DGLUCY: variants seen among roughly 807,000 people sequenced by gnomAD.
The protein encoded by DGLUCY is D-glutamate cyclase, also known as D-glutamate cyclase, mitochondrial.
DGLUCY carries 58 observed loss-of-function variants against 58.5 expected under a neutral mutation model. The ratio of observed to expected loss-of-function variants is 0.99; its 90% CI spans 0.80 to 1.23. DGLUCY has a LOEUF of 1.23. DGLUCY is among the 50% of genes most tolerant of loss of function. The pLI, the probability that DGLUCY is intolerant of heterozygous loss-of-function variation, is 0.00. For missense variants in DGLUCY, 779 were observed against 784.7 expected, an observed-to-expected ratio of 0.99 and a Z score of 0.09; for synonymous variants, 325 against 314.1, an observed-to-expected ratio of 1.03 and a Z score of -0.37.
chr14:91,169,356 A>G (rs2048443459), intron 4 of DGLUCY, among the ~76,000 whole-genome samples: 1 of 151,702 alleles, frequency 6.6e-6, no homozygotes, highest in Non-Finnish European at 1.5e-5. Flanking sequence ...CCTTTGGGCT[A>G]CTGGTCCTAC....
chr14:91,175,647 C>A (rs2140425788), intron 6 of DGLUCY: 2 of 308,500 alleles, frequency 6.5e-6, no homozygotes, highest in East Asian at 1.5e-4. Flanking sequence ...GCAATCTGCA[C>A]AATGAGAGTA....
intron 12 of DGLUCY, among the ~76,000 whole-genome samples, chr14:91,212,570 C>T (rs1885854295): frequency 6.6e-6 from 1 of 152,162 alleles, no homozygotes; most frequent in South Asian, 2.1e-4. Flanking sequence ...GGCATAGTGG[C>T]TCATGCCTGT....
intron 10 of DGLUCY, among the ~76,000 whole-genome samples, chr14:91,197,615 G>A (rs1274245782): frequency 6.6e-6 from 1 of 152,152 alleles, no homozygotes; most frequent in African/African-American, 2.4e-5. Flanking sequence ...TTGACTATTC[G>A]AGGCACCTTG....
At chr14:91,205,797 C>CTTCTTCTT (rs1884530763) in intron 12 of DGLUCY, among the ~76,000 whole-genome samples, 9 of 66,314 alleles carry the variant, frequency 1.4e-4, no homozygotes, top group African/African-American at 2.3e-4. Context: ...TTCTTCTTCT[C>CTTCTTCTT]CGTCTCCTTC....
chr14:91,131,590 A>G (rs2046026551), intron 1 of DGLUCY, among the ~76,000 whole-genome samples: 1 of 151,866 alleles, frequency 6.6e-6, no homozygotes, highest in African/African-American at 2.4e-5. Flanking sequence ...TGCATTAGGT[A>G]TATCTCCTAT....
chr14:91,126,244 T>C (rs2045674029), intron 1 of DGLUCY, among the ~76,000 whole-genome samples: 1 of 152,158 alleles, frequency 6.6e-6, no homozygotes, highest in Non-Finnish European at 1.5e-5. Flanking sequence ...GGGACTATAT[T>C]CCCTCTGATG....
intron 12 of DGLUCY, among the ~76,000 whole-genome samples, chr14:91,206,178 T>C (rs1005123403): frequency 6.6e-6 from 1 of 151,912 alleles, no homozygotes; most frequent in Admixed American, 6.6e-5. Flanking sequence ...GCCTTCCACG[T>C]GGGAGAGGGA....
exon 1 of DGLUCY, chr14:91,060,671 G>A: frequency 2.5e-6 from 1 of 402,048 alleles, no homozygotes; most frequent in Non-Finnish European, 4.2e-6. Context: ...CTCCACCGCC[G>A]CCTCCTCAGG....
At chr14:91,145,067 A>G (rs1044927635) in intron 1 of DGLUCY, among the ~76,000 whole-genome samples, 17 of 152,126 alleles carry the variant, frequency 1.1e-4, no homozygotes, top group South Asian at 2.1e-4. Flanking sequence ...TAAATGGAGT[A>G]TTTACTCAGC....
At chr14:91,073,597 G>A (rs2043959169) in intron 1 of DGLUCY, among the ~76,000 whole-genome samples, 2 of 152,266 alleles carry the variant, frequency 1.3e-5, no homozygotes, top group African/African-American at 2.4e-5. Flanking sequence ...GGGATTACAG[G>A]TGTGAGCCAC....
upstream of DGLUCY, among the ~76,000 whole-genome samples, chr14:91,113,642 C>T (rs566261675): frequency 2.0e-5 from 3 of 152,302 alleles, no homozygotes; most frequent in South Asian, 4.1e-4. Context: ...CAGTGTGGCC[C>T]ACGGACCAGC....
intron 1 of DGLUCY, among the ~76,000 whole-genome samples, chr14:91,136,763 G>GT (rs1266734290): frequency 2.6e-5 from 4 of 152,152 alleles, no homozygotes; most frequent in African/African-American, 9.6e-5. Flanking sequence ...GAAGTCAGGA[G>GT]TTTGAGACCA....
rs150423024 is a variant in DGLUCY at position 91,126,512 on chromosome 14, C to T, written c.-82+12229C>T. 5.3e-5 allele frequency: 12 copies of T among 227,506 alleles called. No individual in the cohort carries two copies. The East Asian group carries it at 1.3e-3, about 24-fold the overall frequency. 14.1% of individuals were successfully genotyped at this position (227,506 alleles called of 1,614,324 possible). On this transcript the variant is annotated intron_variant, in intron 1 of 13. Transcript: ENST00000256324. ...AATCTGGGGTCATTGTGACAAGGGA[C>T]ACAGAGCTTGTGACCTCCCTACAAA...
chr14:91,079,542 C>T lies in DGLUCY; in HGVS notation c.-82+18838C>T, dbSNP rs191940506. On this transcript the variant is annotated intron_variant, in intron 1 of 4. Transcript: ENST00000521334. The stretch of plus-strand genomic sequence containing the variant: ...CTAGTTTTTGTATTTTTAGTAGAGA[C>T]GGGGTTTCGCCATATGGGCCGGGCT... 9.2e-5 allele frequency among the ~76,000 whole-genome samples: 14 copies of T among 152,064 alleles called. No homozygotes were observed. In the East Asian group the frequency reaches 2.3e-3, roughly 25 times the overall value.
intron 1 of DGLUCY, among the ~76,000 whole-genome samples, chr14:91,091,919 C>T (rs536637348): frequency 3.9e-4 from 60 of 152,304 alleles, no homozygotes; most frequent in African/African-American, 1.3e-3. Flanking sequence ...TTGACTGCCC[C>T]TCAGTCATCC....
chr14:91,187,345 G>A (rs534388041), intron 8 of DGLUCY, among the ~76,000 whole-genome samples: 148 of 152,268 alleles, frequency 9.7e-4, no homozygotes, highest in African/African-American at 3.5e-3. Context: ...ATAAGCCAGC[G>A]TCCTCTCACG....
At chr14:91,133,303 A>G (rs1223044861) in intron 1 of DGLUCY, among the ~76,000 whole-genome samples, 3 of 152,122 alleles carry the variant, frequency 2.0e-5, no homozygotes, top group South Asian at 2.1e-4. Context: ...CTCAACAACA[A>G]CAACAACAAC....
chr14:91,073,939 A>G (rs1162868088), intron 1 of DGLUCY, among the ~76,000 whole-genome samples: 1 of 151,658 alleles, frequency 6.6e-6, no homozygotes, highest in African/African-American at 2.4e-5. Context: ...CGGGCAATAT[A>G]GCAAACCCCC....
chr14:91,076,965 G>A (rs901037331), intron 1 of DGLUCY, among the ~76,000 whole-genome samples: 13 of 152,148 alleles, frequency 8.5e-5, no homozygotes, highest in Non-Finnish European at 5.9e-5. Context: ...GTTCCAGTAG[G>A]CTGGCACAGT....
Sources: allele counts gnomAD v4.1 joint callset (sites outside exome capture counted in the v4.1 genomes callset), GRCh38; gene constraint gnomAD v4.1.1; transcripts MANE v1.5; gene names NCBI Gene and HGNC (gene_info 2026-07-23, HGNC 2026-07-21).